Variants in RGS6 observed in about 807,000 individuals in gnomAD.
RGS6 encodes regulator of G protein signaling 6, also known as regulator of G-protein signaling 6.
RGS6 carries 30 observed loss-of-function variants against 78.5 expected under a neutral mutation model. The ratio of observed to expected loss-of-function variants is 0.38; its 90% CI spans 0.29 to 0.52. RGS6 has a LOEUF of 0.52. Ranked by LOEUF, RGS6 falls within the 20% of genes least tolerant of loss-of-function variation. The pLI is 0.85. For synonymous variants in RGS6, 206 were observed against 206.0 expected, an observed-to-expected ratio of 1.00 and a Z score of 0.00; for missense variants, 495 against 609.7, an observed-to-expected ratio of 0.81 and a Z score of 1.98.
intron 2 of RGS6, among the ~76,000 whole-genome samples, chr14:71,969,016 T>C (rs2093668659): frequency 6.6e-6 from 1 of 152,158 alleles, no homozygotes; most frequent in South Asian, 2.1e-4. Flanking sequence ...GATGTTCCCC[T>C]TCCTGTGTCC....
chr14:72,294,546 G>A (rs2064302575), intron 2 of RGS6, among the ~76,000 whole-genome samples: 2 of 152,200 alleles, frequency 1.3e-5, no homozygotes, highest in Admixed American at 6.5e-5. Flanking sequence ...CTAATGCTGG[G>A]TAATTTATAA....
chr14:71,916,432 A>G, the RGS6 span, among the ~76,000 whole-genome samples: 1 of 151,788 alleles, frequency 6.6e-6, no homozygotes, highest in Non-Finnish European at 1.5e-5. Context: ...ATTTTGGTAA[A>G]TAGGTCTCTG....
rs142746711 is a variant in RGS6, at chr14:72,354,249, G to A, written c.184+2055G>A. On this transcript the variant is annotated intron_variant, in intron 3 of 17. Transcript: ENST00000553525. ...TCTGGAGGCTGGAAGTCTGAGATCA[G>A]GTACCATCATAGGTTCTGGTAAGAG... 4.4e-4 allele frequency among the ~76,000 whole-genome samples: 67 copies of A among 152,186 alleles called. 1 individual carries two copies. In the East Asian group the frequency reaches 0.013, roughly 29 times the overall value.
chr14:71,999,659 C>T (rs1050878103), intron 2 of RGS6, among the ~76,000 whole-genome samples: 1 of 100,556 alleles, frequency 9.9e-6, no homozygotes, highest in African/African-American at 3.0e-5. Flanking sequence ...TGGTGCTATC[C>T]CCGCAATAGA....
At chr14:72,052,013 G>A (rs1424070847) in intron 2 of RGS6, among the ~76,000 whole-genome samples, 2 of 152,172 alleles carry the variant, frequency 1.3e-5, no homozygotes, top group African/African-American at 4.8e-5. Context: ...AAGGAGATCT[G>A]CTAGGTACCT....
chr14:71,884,756 C>A, the RGS6 span, among the ~76,000 whole-genome samples: 1 of 152,120 alleles, frequency 6.6e-6, no homozygotes, highest in Non-Finnish European at 1.5e-5. Flanking sequence ...TTTGTCATGA[C>A]TAAGAGAATT....
chr14:71,946,332 A>G (rs2091506814), intron 1 of RGS6, among the ~76,000 whole-genome samples: 1 of 152,050 alleles, frequency 6.6e-6, no homozygotes, highest in African/African-American at 2.4e-5. Context: ...CCTGGAAACA[A>G]TCTCTGGTTT....
the RGS6 span, among the ~76,000 whole-genome samples, chr14:72,588,617 C>T: frequency 1.3e-5 from 2 of 152,160 alleles, no homozygotes; most frequent in African/African-American, 4.8e-5. Flanking sequence ...TCTGGCAATT[C>T]TTTTGTTGAG....
intron 3 of RGS6, among the ~76,000 whole-genome samples, chr14:72,430,157 A>T (rs991511385): frequency 4.6e-5 from 7 of 152,204 alleles, no homozygotes; most frequent in Non-Finnish European, 1.0e-4. Context: ...AAGTACATAT[A>T]GCTCTCAAAC....
At chr14:71,897,801 G>A in the RGS6 span, among the ~76,000 whole-genome samples, 2 of 152,030 alleles carry the variant, frequency 1.3e-5, no homozygotes, top group Non-Finnish European at 2.9e-5. Context: ...TTACAGGCGT[G>A]AGCCACCGCG....
At chr14:72,223,179 C>G (rs2047284048) in intron 2 of RGS6, among the ~76,000 whole-genome samples, 2 of 152,206 alleles carry the variant, frequency 1.3e-5, no homozygotes, top group Non-Finnish European at 2.9e-5. Flanking sequence ...TCTGTAAGCC[C>G]TAAAAAAAGA....
chr14:72,055,590 G>A (rs1430876514), intron 2 of RGS6, among the ~76,000 whole-genome samples: 4 of 152,056 alleles, frequency 2.6e-5, no homozygotes, highest in Admixed American at 6.5e-5. Context: ...AAATGCTAAT[G>A]TCTGGACCCC....
At chr14:72,366,056 G>A (rs1484227341) in intron 3 of RGS6, among the ~76,000 whole-genome samples, 2 of 152,130 alleles carry the variant, frequency 1.3e-5, no homozygotes, top group African/African-American at 4.8e-5. Flanking sequence ...GGTCATGACT[G>A]GGAACTATAA....
chr14:72,253,868 C>T (rs2056447166), intron 2 of RGS6, among the ~76,000 whole-genome samples: 1 of 152,176 alleles, frequency 6.6e-6, no homozygotes, highest in Admixed American at 6.5e-5. Context: ...GTTACTGCAG[C>T]ATATATAACT....
chr14:72,053,053 C>CTCCCTTCCCTCCCT (rs2093396088), intron 2 of RGS6, among the ~76,000 whole-genome samples: 1 of 13,042 alleles, frequency 7.7e-5, no homozygotes, highest in African/African-American at 3.3e-4. Context: ...CCCTCCCTCC[C>CTCCCTTCCCTCCCT]TCCCTCCCTC....
intron 2 of RGS6, among the ~76,000 whole-genome samples, chr14:72,291,026 T>C (rs2063483432): frequency 6.6e-6 from 1 of 152,018 alleles, no homozygotes; most frequent in South Asian, 2.1e-4. Flanking sequence ...CTCTCAACTC[T>C]ACACTCTTTT....
intron 2 of RGS6, among the ~76,000 whole-genome samples, chr14:72,317,705 A>C (rs904064502): frequency 6.6e-6 from 1 of 152,174 alleles, no homozygotes; most frequent in Non-Finnish European, 1.5e-5. Flanking sequence ...ATGTAGTAAA[A>C]ACAGCATGGA....
intron 2 of RGS6, among the ~76,000 whole-genome samples, chr14:72,262,731 T>C (rs1235708513): frequency 6.6e-6 from 1 of 152,212 alleles, no homozygotes; most frequent in Admixed American, 6.5e-5. Flanking sequence ...AATTTTCTTT[T>C]CCAAATGACC....
chr14:72,370,321 C>T (rs907748238), intron 3 of RGS6, among the ~76,000 whole-genome samples: 3 of 152,062 alleles, frequency 2.0e-5, no homozygotes, highest in African/African-American at 7.2e-5. Context: ...CAGACGATGC[C>T]TTTATTAAGG....
Sources: allele counts gnomAD v4.1 joint callset (sites outside exome capture counted in the v4.1 genomes callset), GRCh38; gene constraint gnomAD v4.1.1; transcripts MANE v1.5; gene names NCBI Gene and HGNC (gene_info 2026-07-23, HGNC 2026-07-21).